The following ST18 variants were observed in gnomAD, a reference collection of about 807,000 sequenced individuals.
The protein encoded by ST18 is ST18 C2H2C-type zinc finger transcription factor, also known as suppression of tumorigenicity 18 protein.
ST18 carries 50 observed loss-of-function variants against 110.0 expected under a neutral mutation model. That is an observed-to-expected ratio of 0.45 (90% confidence interval 0.36 to 0.58). The LOEUF (loss-of-function observed/expected upper bound fraction) is 0.58. Among genes scored for constraint, ST18 ranks in the 20% least tolerant of loss-of-function variants. The pLI, the probability that ST18 is intolerant of heterozygous loss-of-function variation, is 0.00. For missense variants in ST18, 1,306 were observed against 1,280.1 expected, an observed-to-expected ratio of 1.02 and a Z score of -0.31; for synonymous variants, 461 against 452.4, an observed-to-expected ratio of 1.02 and a Z score of -0.24.
In ST18 at chr8:52,180,255, C is replaced by A; in HGVS notation, c.144G>T (p.Gly48=). The A allele has an allele frequency of 1.2e-6, 2 of 1,614,182 alleles. No individual in the cohort carries two copies. The highest frequency in any genetic ancestry group is 2.2e-5 in the South Asian group (2 of 91,076). ...KKRTAEDQAL[G]VPVNKRKSLL... ...GGGATTTCCTTTTGTTGACTGGAAC[C>A]CCCAAAGCCTGATCTTCAGCTGTTC... Residue 48 remains glycine, a synonymous_variant, in exon 9 of 26, where the codon GGG becomes GGT. Transcript: ENST00000689386.
At chr8:52,122,371 T>C (rs536133933) in intron 23 of ST18, among the ~76,000 whole-genome samples, 9 of 152,292 alleles carry the variant, frequency 5.9e-5, no homozygotes, top group South Asian at 2.1e-4. Context: ...TCTCAACTTA[T>C]GAGGCTTTAA....
intron 23 of ST18, among the ~76,000 whole-genome samples, chr8:52,118,709 T>C (rs2130653815): frequency 6.6e-6 from 1 of 152,266 alleles, no homozygotes; most frequent in Middle Eastern, 3.4e-3. Flanking sequence ...TTTGTAAATA[T>C]GCCTTCAATT....
chr8:52,213,650 AAT>A (rs1176879320), intron 7 of ST18, among the ~76,000 whole-genome samples: 1 of 152,192 alleles, frequency 6.6e-6, no homozygotes, highest in Non-Finnish European at 1.5e-5. Flanking sequence ...TTTATATTTC[AAT>A]ATTACATTAC....
intron 2 of ST18, among the ~76,000 whole-genome samples, chr8:52,391,672 C>A (rs553881620): frequency 6.6e-6 from 1 of 152,314 alleles, no homozygotes; most frequent in South Asian, 2.1e-4. Context: ...TCCCCTATAG[C>A]CTAGATGTGT....
intron 2 of ST18, among the ~76,000 whole-genome samples, chr8:52,238,725 C>G (rs1475202163): frequency 1.3e-5 from 2 of 151,866 alleles, no homozygotes; most frequent in Non-Finnish European, 2.9e-5. Flanking sequence ...ATGAATGGAA[C>G]TAGATGCCAT....
chr8:52,388,879 T>TG lies in ST18; in HGVS notation c.-465+20448dup, dbSNP rs1238982405. On this transcript the variant is annotated intron_variant, in intron 2 of 25. Transcript: ENST00000689386. ...TACCTAATGCTAAATGATGAGTTAA[T>TG]GGGTGCAGCACACCAGCATGGCACA... Among the ~76,000 whole-genome samples the TG allele has an allele frequency of 2.0e-5, 3 of 147,374 alleles. No individual in the cohort carries two copies. In the Admixed American group the frequency reaches 2.0e-4, roughly 10 times the overall value.
intron 25 of ST18, among the ~76,000 whole-genome samples, chr8:52,115,225 T>C (rs2130309115): frequency 6.6e-6 from 1 of 152,322 alleles, no homozygotes; most frequent in Non-Finnish European, 1.5e-5. Flanking sequence ...ACATTGCTGC[T>C]TCTATAAATA....
intron 2 of ST18, among the ~76,000 whole-genome samples, chr8:52,352,148 C>A (rs1217539974): frequency 2.0e-5 from 3 of 152,170 alleles, no homozygotes; most frequent in Non-Finnish European, 2.9e-5. Flanking sequence ...CTGCCCCCCA[C>A]TTCTTTGTAC....
intron 15 of ST18, among the ~76,000 whole-genome samples, chr8:52,156,252 G>A (rs1480827518): frequency 6.6e-6 from 1 of 152,220 alleles, no homozygotes; most frequent in Non-Finnish European, 1.5e-5. Flanking sequence ...AGCACTTAGA[G>A]ACCTTTGGTT....
chr8:52,114,294 G>A (rs1405399498), intron 25 of ST18, among the ~76,000 whole-genome samples: 1 of 151,828 alleles, frequency 6.6e-6, no homozygotes, highest in Non-Finnish European at 1.5e-5. Flanking sequence ...GTATGTTTTG[G>A]TCTCTCCTTT....
chr8:52,332,530 C>CTTTTT (rs140331895), intron 2 of ST18, among the ~76,000 whole-genome samples: 1 of 49,802 alleles, frequency 2.0e-5, no homozygotes, highest in African/African-American at 6.6e-5. Context: ...TCTAATGTAG[C>CTTTTT]TTTTTTTTTT....
At chr8:52,262,116 G>A (rs1310254874) in intron 2 of ST18, among the ~76,000 whole-genome samples, 1 of 152,168 alleles carries the variant, frequency 6.6e-6, no homozygotes, top group Non-Finnish European at 1.5e-5. Context: ...GATGCAAGGG[G>A]AAGAGCATGT....
chr8:52,347,398 G>A (rs929637958), intron 2 of ST18, among the ~76,000 whole-genome samples: 9 of 152,144 alleles, frequency 5.9e-5, no homozygotes, highest in Non-Finnish European at 1.2e-4. Context: ...GCTTATACTC[G>A]TCTTACAAAG....
intron 8 of ST18, among the ~76,000 whole-genome samples, chr8:52,203,019 C>G (rs2078548971): frequency 6.6e-6 from 1 of 152,036 alleles, no homozygotes; most frequent in Non-Finnish European, 1.5e-5. Flanking sequence ...GTTAAACATA[C>G]AGGGGTAGAT....
chr8:52,387,489 G>C (rs1393398079), intron 2 of ST18, among the ~76,000 whole-genome samples: 5 of 152,066 alleles, frequency 3.3e-5, no homozygotes, highest in African/African-American at 1.2e-4. Context: ...CTCTTGAACT[G>C]TTTGTCTCTG....
chr8:52,294,439 C>T (rs1418211535), intron 2 of ST18: 2 of 152,304 alleles, frequency 1.3e-5, no homozygotes, highest in Non-Finnish European at 2.9e-5. Flanking sequence ...TGTGAGGCCC[C>T]TCCCATAGGG....
chr8:52,150,001 A>G lies in ST18; in HGVS notation c.1807-24T>C, dbSNP rs545598322. 1.9e-6 allele frequency: 3 copies of G among 1,602,388 alleles called. No homozygotes were observed. The East Asian group carries it at 6.7e-5, about 36-fold the overall frequency. ...CCCTGGTATACAATAGGAAACAGAA[A>G]AACATTTAAGCAGTTTGCAGTTACA... On this transcript the variant is annotated intron_variant, in intron 15 of 25. Transcript: ENST00000689386.
chr8:52,351,958 T>G (rs1343227888), intron 2 of ST18, among the ~76,000 whole-genome samples: 1 of 152,240 alleles, frequency 6.6e-6, no homozygotes, highest in East Asian at 1.9e-4. Context: ...GAATCAATTT[T>G]ATAGAGATCA....
Position 52,161,832 on chromosome 8 carries a change from T to C in ST18, c.1401-264A>G, listed in dbSNP as rs531649456. On this transcript the variant is annotated intron_variant, in intron 13 of 25. Coordinates refer to ENST00000689386, the MANE Select transcript of ST18 (RefSeq NM_001352837.2). ...TCCTCCCATCAGCAAATTAAGAATATGCAATCCTCCATTCATCTTATGAAG... is the reference window on the plus strand; with the variant it reads ...TCCTCCCATCAGCAAATTAAGAATACGCAATCCTCCATTCATCTTATGAAG... Among the ~76,000 whole-genome samples, 4 of 152,340 alleles carry C rather than the reference T, an allele frequency of 2.6e-5. No individual in the cohort carries two copies. The South Asian group carries it at 8.3e-4, about 32-fold the overall frequency.
Sources: gnomAD v4.1 joint callset for allele counts (sites outside exome capture counted in the v4.1 genomes callset) on GRCh38, gnomAD v4.1.1 for gene constraint, MANE v1.5 for transcripts, NCBI Gene and HGNC (gene_info 2026-07-23, HGNC 2026-07-21) for gene names.